The following ANKS1B variants were observed in gnomAD, a reference collection of about 807,000 sequenced individuals.
The protein encoded by ANKS1B is ankyrin repeat and sterile alpha motif domain containing 1B.
A neutral mutation model predicts 148.3 loss-of-function variants in ANKS1B; 36 were observed. That is an observed-to-expected ratio of 0.24 (90% CI 0.19 to 0.32). ANKS1B has a LOEUF of 0.32. Ranked by LOEUF, ANKS1B falls within the 10% of genes least tolerant of loss-of-function variation. The pLI is 1.00. For synonymous variants in ANKS1B, 542 were observed against 560.8 expected, an observed-to-expected ratio of 0.97 and a Z score of 0.47; for missense variants, 1,157 against 1,542.6, an observed-to-expected ratio of 0.75 and a Z score of 4.19.
In ANKS1B at chr12:98,751,431, G is replaced by C. The variant is rs1463965767; in HGVS notation, c.3671C>G (p.Ser1224Cys). 1 of 1,614,046 alleles carries C rather than the reference G, an allele frequency of 6.2e-7. No homozygotes were observed. The highest frequency in any genetic ancestry group is 1.7e-5 in the Admixed American group (1 of 60,022). Residue 1224 changes from serine (S) to cysteine (C), a missense_variant, in exon 26 of 27, where the codon TCC becomes TGC. Coordinates refer to ENST00000683438, the MANE Select transcript of ANKS1B (RefSeq NM_001352186.2). The surrounding 1 kb of genome is among the most constrained non-coding windows in gnomAD (Gnocchi z 4.3). ...GTTTTCAAAGCTTTCTGGAAGTGTG[G>C]AGGAGTGTCCCCCTTTTCTTGCTTG... ...ALQARKGGHS[S>C]TLPESFENKP...
intron 10 of ANKS1B, among the ~76,000 whole-genome samples, chr12:99,498,450 C>G (rs769352519): frequency 6.6e-6 from 1 of 152,128 alleles, no homozygotes; most frequent in South Asian, 2.1e-4. Context: ...GAGTGCCATA[C>G]CTTATTCATC....
intron 9 of ANKS1B, among the ~76,000 whole-genome samples, chr12:99,581,710 G>A (rs1464359566): frequency 6.6e-6 from 1 of 151,604 alleles, no homozygotes; most frequent in Non-Finnish European, 1.5e-5. Context: ...CTAACAAGGT[G>A]AAACCCCGTC....
rs528872091 is a variant in ANKS1B at position 99,040,791 on chromosome 12, C to T, written c.2778+12366G>A. On this transcript the variant is annotated intron_variant, in intron 17 of 26. Coordinates refer to ENST00000683438, the MANE Select transcript of ANKS1B (RefSeq NM_001352186.2). The stretch of plus-strand genomic sequence containing the variant: ...TCAACAGGTATTTATTTGCCACCTC[C>T]GGTGTGCTAGAAACTGTTCTAGGAG... 3.3e-5 allele frequency among the ~76,000 whole-genome samples: 5 copies of T among 152,280 alleles called. No homozygotes were observed. The East Asian group carries it at 5.8e-4, about 18-fold the overall frequency.
At chr12:99,283,308 C>A (rs553651911) in intron 12 of ANKS1B, among the ~76,000 whole-genome samples, 1 of 152,228 alleles carries the variant, frequency 6.6e-6, no homozygotes, top group East Asian at 1.9e-4. Context: ...TTTGGCTCCT[C>A]AATCAGGTCC....
chr12:99,850,687 G>A (rs1012323957), intron 1 of ANKS1B, among the ~76,000 whole-genome samples: 3 of 151,988 alleles, frequency 2.0e-5, no homozygotes, highest in African/African-American at 7.2e-5. Flanking sequence ...AGTTAATTTT[G>A]TATGAAAAGA....
At chr12:98,960,042 G>T (rs1006237472) in intron 17 of ANKS1B, among the ~76,000 whole-genome samples, 4 of 152,212 alleles carry the variant, frequency 2.6e-5, no homozygotes, top group African/African-American at 9.6e-5. Context: ...GACCCACCCA[G>T]GGTTTGGGGA....
intron 14 of ANKS1B, among the ~76,000 whole-genome samples, chr12:99,206,482 A>T (rs543797150): frequency 6.6e-6 from 1 of 152,252 alleles, no homozygotes; most frequent in Non-Finnish European, 1.5e-5. Context: ...ATTTCAAAAA[A>T]AAAATTTAAT....
At chr12:98,818,934 C>T (rs1323196105) in intron 19 of ANKS1B, among the ~76,000 whole-genome samples, 1 of 152,182 alleles carries the variant, frequency 6.6e-6, no homozygotes, top group African/African-American at 2.4e-5. Context: ...AAACAAGGTG[C>T]AGTTGAACAA....
chr12:99,164,071 T>C (rs2076965143), intron 14 of ANKS1B, among the ~76,000 whole-genome samples: 1 of 152,198 alleles, frequency 6.6e-6, no homozygotes, highest in Non-Finnish European at 1.5e-5. Flanking sequence ...TATCTTTTTG[T>C]TAAAACGTCT....
chr12:99,568,057 T>C (rs2097415821), intron 9 of ANKS1B, among the ~76,000 whole-genome samples: 1 of 152,226 alleles, frequency 6.6e-6, no homozygotes, highest in African/African-American at 2.4e-5. Flanking sequence ...TAGTTTCTTA[T>C]TGCTGCTGTA....
exon 10 of ANKS1B, chr12:98,735,442 T>C: frequency 2.3e-6 from 1 of 441,564 alleles, no homozygotes; most frequent in South Asian, 7.1e-5. Context: ...CATTTTTGGA[T>C]TGTTTCATTC....
chr12:99,040,664 T>G (rs899819927), intron 17 of ANKS1B, among the ~76,000 whole-genome samples: 2 of 152,152 alleles, frequency 1.3e-5, no homozygotes, highest in African/African-American at 4.8e-5. Context: ...AGTGTGCATC[T>G]CATAGGGTTC....
chr12:99,328,476 C>T (rs564632709), intron 12 of ANKS1B, among the ~76,000 whole-genome samples: 159 of 152,012 alleles, frequency 1.0e-3, no homozygotes, highest in Admixed American at 4.5e-3. Flanking sequence ...TGCTTGCTCC[C>T]ATTAGTCAGA....
chr12:99,556,095 C>T (rs2097273508), intron 9 of ANKS1B, among the ~76,000 whole-genome samples: 1 of 152,124 alleles, frequency 6.6e-6, no homozygotes, highest in South Asian at 2.1e-4. Context: ...CTTTTGGTTA[C>T]TGATTCAATT....
rs1176983408 is a variant in ANKS1B, at chr12:99,504,622, C to A, written c.1292G>T (p.Arg431Ile). 2 of 1,595,634 alleles carry A rather than the reference C, an allele frequency of 1.3e-6. No homozygotes were observed. Among genetic ancestry groups the A allele is most frequent in the Non-Finnish European group, 1.7e-6 (2 of 1,170,724 alleles). ...TGGTACAATTTCCATAGTGTAATTT[C>A]TCTTCTTTGGATAGGACTCCTGAAA... ...MLAQESYPKK[R>I]NYTMEIVPSA... Residue 431 changes from arginine (R) to isoleucine (I), a missense_variant, in exon 10 of 27, where the codon AGA (arginine) becomes ATA (isoleucine). Coordinates refer to ENST00000683438, the MANE Select transcript of ANKS1B (RefSeq NM_001352186.2).
chr12:99,808,514 T>C (rs1212746733), intron 3 of ANKS1B, among the ~76,000 whole-genome samples: 3 of 152,240 alleles, frequency 2.0e-5, no homozygotes, highest in Admixed American at 1.3e-4. Context: ...AGGGTACTGT[T>C]TCTTCCATCA....
intron 10 of ANKS1B, among the ~76,000 whole-genome samples, chr12:99,478,883 G>A (rs534745772): frequency 1.8e-4 from 28 of 152,082 alleles, no homozygotes; most frequent in Admixed American, 1.5e-3. Flanking sequence ...CAGAAATAGC[G>A]TGAGCCACAT....
intron 1 of ANKS1B, among the ~76,000 whole-genome samples, chr12:99,854,379 A>G (rs1259698209): frequency 1.3e-5 from 2 of 152,226 alleles, no homozygotes; most frequent in Non-Finnish European, 2.9e-5. Flanking sequence ...AAAAGGAACA[A>G]AGCCTCCAAT....
intron 9 of ANKS1B, among the ~76,000 whole-genome samples, chr12:99,559,949 A>C (rs529375879): frequency 6.6e-6 from 1 of 152,334 alleles, no homozygotes; most frequent in African/African-American, 2.4e-5. Context: ...AAGACCTAAA[A>C]TAATTGTAGA....
Sources: allele counts gnomAD v4.1 joint callset (sites outside exome capture counted in the v4.1 genomes callset), GRCh38; gene constraint gnomAD v4.1.1; non-coding constraint Gnocchi (gnomAD v3.1); transcripts MANE v1.5; gene names NCBI Gene and HGNC (gene_info 2026-07-23, HGNC 2026-07-21).